The following CLIC5 variants were observed in gnomAD, a reference collection of about 807,000 sequenced individuals.
CLIC5 encodes CLIC family member 5.
In CLIC5, 20 loss-of-function variants were observed where a neutral mutation model predicts 24.7. The observed-to-expected ratio is 0.81, with a 90% CI of 0.57 to 1.18. CLIC5 has a LOEUF of 1.18. Among genes scored for constraint, CLIC5 ranks in the 50% most tolerant of loss-of-function variants. The probability of loss-of-function intolerance (pLI) is 0.00; values close to 1 mark genes in which losing one functional copy is unlikely to be tolerated. For synonymous variants in CLIC5, 159 were observed against 135.6 expected (o/e 1.17, Z -1.20); for missense variants, 341 against 326.1 (o/e 1.05, Z -0.35).
intron 3 of CLIC5, 148 bp from the exon 4 acceptor site, chr6:45,941,801 G>A (rs759791985): frequency 1.4e-6 from 1 of 689,836 alleles, no homozygotes. Context: ...CTATAGGGAG[G>A]GTGGGCATTC....
intron 1 of CLIC5, among the ~76,000 whole-genome samples, chr6:46,008,503 G>A (rs925131704): frequency 2.0e-5 from 3 of 152,230 alleles, no homozygotes; most frequent in Admixed American, 6.5e-5. Context: ...ACTCCTCAGT[G>A]GCACTCTCAC....
At chr6:46,058,245 A>C (rs1214266354) in intron 1 of CLIC5, among the ~76,000 whole-genome samples, 5 of 152,208 alleles carry the variant, frequency 3.3e-5, no homozygotes, top group African/African-American at 1.2e-4. Context: ...AATTAAAATT[A>C]TTTTTGCTCT....
intron 1 of CLIC5, among the ~76,000 whole-genome samples, chr6:46,071,318 A>G (rs183515661): frequency 2.2e-4 from 34 of 152,306 alleles, no homozygotes; most frequent in Admixed American, 7.8e-4. Context: ...TTTGCAAGCT[A>G]TGTATCTGAC....
At chr6:45,958,233 C>T (rs1764710666) in intron 1 of CLIC5, among the ~76,000 whole-genome samples, 1 of 151,352 alleles carries the variant, frequency 6.6e-6, no homozygotes, top group Non-Finnish European at 1.5e-5. Context: ...TACAAGCCAA[C>T]GAACGCCAAG....
At chr6:46,116,329 T>C in the CLIC5 span, among the ~76,000 whole-genome samples, 2 of 152,198 alleles carry the variant, frequency 1.3e-5, no homozygotes, top group Non-Finnish European at 2.9e-5. Context: ...TTGGTGAATA[T>C]GGGCTGTCAA....
chr6:45,964,827 G>T (rs898535172), intron 1 of CLIC5, among the ~76,000 whole-genome samples: 1 of 152,160 alleles, frequency 6.6e-6, no homozygotes, highest in African/African-American at 2.4e-5. Context: ...GTTTTGGGCT[G>T]GTTTGTTACT....
intron 2 of CLIC5, among the ~76,000 whole-genome samples, chr6:45,952,412 T>C (rs868813639): frequency 1.3e-5 from 2 of 152,220 alleles, no homozygotes; most frequent in Admixed American, 1.3e-4. Flanking sequence ...ATAACCAACA[T>C]GCAACGAGTT....
chr6:46,079,176 G>A (rs1762853321), intron 1 of CLIC5, among the ~76,000 whole-genome samples: 1 of 152,178 alleles, frequency 6.6e-6, no homozygotes, highest in Admixed American at 6.5e-5. Flanking sequence ...AACACTGGTA[G>A]TGTCTTACTA....
At chr6:45,924,092 C>G (rs1489555222) in intron 4 of CLIC5, among the ~76,000 whole-genome samples, 5 of 152,110 alleles carry the variant, frequency 3.3e-5, no homozygotes. Context: ...AGAAACAAAG[C>G]ATACAAAAAA....
chr6:46,067,275 T>C (rs1231826546), intron 1 of CLIC5, among the ~76,000 whole-genome samples: 1 of 151,720 alleles, frequency 6.6e-6, no homozygotes, highest in Non-Finnish European at 1.5e-5. Context: ...CAAGATTCGT[T>C]CCCCAAGGAG....
intron 5 of CLIC5, among the ~76,000 whole-genome samples, chr6:45,908,353 G>A (rs1762718979): frequency 6.6e-6 from 1 of 151,984 alleles, no homozygotes; most frequent in Non-Finnish European, 1.5e-5. Flanking sequence ...AGTTCCTCTA[G>A]GTGTGATGTT....
At chr6:45,939,342 A>G (rs1764050673) in intron 4 of CLIC5, among the ~76,000 whole-genome samples, 1 of 150,906 alleles carries the variant, frequency 6.6e-6, no homozygotes, top group South Asian at 2.1e-4. Flanking sequence ...GCCTCCCAAG[A>G]AGCTGGGACT....
chr6:45,958,445 T>TATACACACACACACACACACACACAC lies in CLIC5; in HGVS notation c.64-3202_64-3201insGTGTGTGTGTGTGTGTGTGTGTGTAT, dbSNP rs1554151294. ...AATTATATATATATATATATATATA[T>TATACACACACACACACACACACACAC]ATATATATATATATATATATATATA... On this transcript the variant is annotated intron_variant, in intron 1 of 5. Coordinates refer to ENST00000339561, the MANE Select transcript of CLIC5 (RefSeq NM_016929.5). 2.2e-3 allele frequency among the ~76,000 whole-genome samples: 166 copies of TATACACACACACACACACACACACAC among 76,450 alleles called. 5 individuals are homozygous for TATACACACACACACACACACACACAC. The Middle Eastern group carries it at 0.029, about 14-fold the overall frequency. 50.2% of individuals were successfully genotyped at this position (76,450 alleles called of 152,430 possible).
intron 1 of CLIC5, among the ~76,000 whole-genome samples, chr6:46,007,113 C>T (rs1766614801): frequency 2.0e-5 from 3 of 152,214 alleles, no homozygotes; most frequent in Non-Finnish European, 1.5e-5. Context: ...TGATCCTCAG[C>T]TCTGATCCTT....
intron 6 of CLIC5, among the ~76,000 whole-genome samples, chr6:45,885,504 A>AAAAATATTTTTT: frequency 6.6e-6 from 1 of 151,848 alleles, no homozygotes; most frequent in Non-Finnish European, 1.5e-5. Context: ...AAATATTTTT[A>AAAAATATTTTTT]AAAAATAGGT....
the CLIC5 span, among the ~76,000 whole-genome samples, chr6:46,113,315 G>T: frequency 6.6e-6 from 1 of 152,186 alleles, no homozygotes; most frequent in East Asian, 1.9e-4. Flanking sequence ...AGACTAGAGA[G>T]TAAGAAGTGG....
intron 1 of CLIC5, among the ~76,000 whole-genome samples, chr6:45,976,125 T>A (rs1172073257): frequency 6.6e-6 from 1 of 152,128 alleles, no homozygotes; most frequent in African/African-American, 2.4e-5. Flanking sequence ...AGGGCTCTGA[T>A]CAGTGGAAGT....
At chr6:45,938,489 A>G (rs1241963082) in intron 4 of CLIC5, among the ~76,000 whole-genome samples, 6 of 152,192 alleles carry the variant, frequency 3.9e-5, no homozygotes, top group African/African-American at 1.4e-4. Flanking sequence ...AGAAGGTGGA[A>G]TAGCACATCT....
the CLIC5 span, among the ~76,000 whole-genome samples, chr6:46,115,652 A>T: frequency 6.6e-6 from 1 of 152,260 alleles, no homozygotes; most frequent in Non-Finnish European, 1.5e-5. Context: ...CAACAGAAGC[A>T]GCCTCTGTTT....
Sources: gnomAD v4.1 joint callset for allele counts (sites outside exome capture counted in the v4.1 genomes callset) on GRCh38, gnomAD v4.1.1 for gene constraint, MANE v1.5 for transcripts, NCBI Gene and HGNC (gene_info 2026-07-23, HGNC 2026-07-21) for gene names.